Variants in PGAP2 observed in about 807,000 individuals in gnomAD.
PGAP2 encodes the protein acyltransferase PGAP2.
In PGAP2, 21 loss-of-function variants were observed where a neutral mutation model predicts 33.2. The ratio of observed to expected loss-of-function variants is 0.63; its 90% CI spans 0.45 to 0.91. The LOEUF is 0.91. Among genes scored for constraint, PGAP2 ranks in the 40% least tolerant of loss-of-function variants. PGAP2 has a pLI of 0.00. For synonymous variants in PGAP2, 161 were observed against 172.9 expected, an observed-to-expected ratio of 0.93 and a Z score of 0.54; for missense variants, 345 against 424.0, an observed-to-expected ratio of 0.81 and a Z score of 1.64.
chr11:3,805,837 C>T (rs574110044), upstream of PGAP2, among the ~76,000 whole-genome samples: 15 of 151,996 alleles, frequency 9.9e-5, no homozygotes, highest in Middle Eastern at 3.4e-3. Flanking sequence ...CAGGTGCGCG[C>T]CATCACGCCT....
chr11:3,816,741 C>A (rs2087116309), intron 2 of PGAP2, among the ~76,000 whole-genome samples: 1 of 152,098 alleles, frequency 6.6e-6, no homozygotes, highest in Admixed American at 6.6e-5. Context: ...AGCCTGTGGC[C>A]CCATTGAAAT....
intron 3 of PGAP2, among the ~76,000 whole-genome samples, chr11:3,822,179 A>G (rs2088881265): frequency 6.6e-6 from 1 of 152,028 alleles, no homozygotes; most frequent in Non-Finnish European, 1.5e-5. Flanking sequence ...CCTGGCTAAC[A>G]CGGTGAAACC....
At chr11:3,797,993 G>T in intron 1 of PGAP2, 1 of 1,540,074 alleles carries the variant, frequency 6.5e-7, no homozygotes, top group Non-Finnish European at 8.8e-7. Flanking sequence ...GTAACTATTC[G>T]ACCCTTTCCT....
chr11:3,802,347 T>C (rs1391550273), intron 1 of PGAP2, among the ~76,000 whole-genome samples: 3 of 152,198 alleles, frequency 2.0e-5, no homozygotes, highest in African/African-American at 4.8e-5. Flanking sequence ...AAGGACATCT[T>C]TGTGAAGCCA....
chr11:3,816,257 G>A (rs1590289025), intron 2 of PGAP2: 1 of 152,996 alleles, frequency 6.5e-6, no homozygotes, highest in East Asian at 1.9e-4. Flanking sequence ...CACCGAGTGT[G>A]AGTGTTCCTT....
At chr11:3,798,951 ACTTATT>A (rs1409433853) in intron 1 of PGAP2, among the ~76,000 whole-genome samples, 20 of 152,192 alleles carry the variant, frequency 1.3e-4, no homozygotes, top group Admixed American at 4.6e-4. Flanking sequence ...CCGAACCCCT[ACTTATT>A]CTTAAAGGAC....
rs557642851 is a variant in PGAP2 at position 3,822,628 on chromosome 11, T to C, written c.349-1255T>C. ...CAGCCTAGGCGACAGAGTGAGACCC[T>C]GTCTCAAAAAGGGGGAAAACAAAAT... On this transcript the variant is annotated intron_variant, in intron 3 of 6. Coordinates refer to ENST00000278243, the MANE Select transcript of PGAP2 (RefSeq NM_014489.4). 3.9e-5 allele frequency among the ~76,000 whole-genome samples: 6 copies of C among 152,272 alleles called. No individual in the cohort carries two copies. In the South Asian group the frequency reaches 1.0e-3, roughly 26 times the overall value.
chr11:3,799,521 C>CA (rs1459446774), intron 1 of PGAP2, among the ~76,000 whole-genome samples: 3 of 151,786 alleles, frequency 2.0e-5, no homozygotes, highest in Non-Finnish European at 2.9e-5. Flanking sequence ...AGAGTGATCT[C>CA]AAAAAAAATT....
upstream of PGAP2, chr11:3,808,031 A>G: frequency 7.2e-7 from 1 of 1,380,588 alleles, no homozygotes; most frequent in Admixed American, 3.0e-5. Context: ...AAAGGCGGGA[A>G]CAGCTCTAGG....
At chr11:3,802,864 T>G (rs2083660507) in intron 1 of PGAP2, among the ~76,000 whole-genome samples, 1 of 149,388 alleles carries the variant, frequency 6.7e-6, no homozygotes, top group Non-Finnish European at 1.5e-5. Context: ...ACTGGCTCTT[T>G]TGCCTAGGCT....
upstream of PGAP2, among the ~76,000 whole-genome samples, chr11:3,803,797 ATTTT>A (rs3986442): frequency 2.8e-5 from 4 of 144,848 alleles, no homozygotes; most frequent in East Asian, 8.1e-4. Context: ...ATATATATAT[ATTTT>A]TTTTTTTGAG....
chr11:3,825,268 A>G, intron 6 of PGAP2, 60 bp from the exon 7 acceptor site: 1 of 1,587,966 alleles, frequency 6.3e-7, no homozygotes, highest in Non-Finnish European at 8.6e-7. Flanking sequence ...ATTTATCAAG[A>G]GGCCTCTGAG....
intron 1 of PGAP2, among the ~76,000 whole-genome samples, chr11:3,810,574 C>G (rs1207289865): frequency 6.6e-6 from 1 of 152,178 alleles, no homozygotes; most frequent in Admixed American, 6.5e-5. Flanking sequence ...CAGAAGCTGA[C>G]CAAGCAGCTC....
chr11:3,824,381 G>A lies in PGAP2; in HGVS notation c.708+5G>A, dbSNP rs771925283. 1.4e-5 allele frequency: 22 copies of A among 1,614,170 alleles called. No homozygotes were observed. Among genetic ancestry groups the A allele is most frequent in the Middle Eastern group, 1.6e-4 (1 of 6,062 alleles). ...AAGCACACAGTAAGTCAGGAGGTAC[G>A]GTCTATCCCTAGCGGGGGCTCCAAG... On this transcript the variant is annotated splice_donor_5th_base_variant and intron_variant, in intron 5 of 6. Coordinates refer to ENST00000278243, the MANE Select transcript of PGAP2 (RefSeq NM_014489.4).
chr11:3,806,126 G>T (rs2084291266), upstream of PGAP2, among the ~76,000 whole-genome samples: 1 of 152,104 alleles, frequency 6.6e-6, no homozygotes, highest in African/African-American at 2.4e-5. Flanking sequence ...TCAAGGTTTG[G>T]GCATTGGGGG....
upstream of PGAP2, among the ~76,000 whole-genome samples, chr11:3,806,026 C>T (rs527324363): frequency 5.9e-5 from 9 of 152,088 alleles, no homozygotes; most frequent in East Asian, 9.7e-4. Context: ...ATTTTATAGA[C>T]GAGGAAACAG....
At chr11:3,820,673 A>T (rs1437437613) in intron 3 of PGAP2, among the ~76,000 whole-genome samples, 4 of 151,840 alleles carry the variant, frequency 2.6e-5, no homozygotes, top group Non-Finnish European at 5.9e-5. Flanking sequence ...AAAAAAAAAG[A>T]AAAATTAGCT....
intron 5 of PGAP2, 38 bp downstream of exon 5, chr11:3,824,414 A>C (rs922146101): frequency 1.2e-6 from 2 of 1,614,148 alleles, no homozygotes; most frequent in African/African-American, 1.3e-5. Context: ...AAGGCAGCCC[A>C]GAAGAAAATC....
intron 2 of PGAP2, among the ~76,000 whole-genome samples, chr11:3,815,292 C>A (rs1236296384): frequency 6.6e-6 from 1 of 151,310 alleles, no homozygotes; most frequent in Admixed American, 6.6e-5. Flanking sequence ...TAATGAGGGG[C>A]CTTGAGTCTG....
Sources: gnomAD v4.1 joint callset for allele counts (sites outside exome capture counted in the v4.1 genomes callset) on GRCh38, gnomAD v4.1.1 for gene constraint, MANE v1.5 for transcripts, NCBI Gene and HGNC (gene_info 2026-07-23, HGNC 2026-07-21) for gene names.